CTNND2: variants seen among roughly 807,000 people sequenced by gnomAD.
The protein encoded by CTNND2 is catenin delta 2.
CTNND2 carries 22 observed loss-of-function variants against 144.4 expected under a neutral mutation model. The ratio of observed to expected loss-of-function variants is 0.15; its 90% CI spans 0.11 to 0.22. The LOEUF (loss-of-function observed/expected upper bound fraction) is 0.22. Among genes scored for constraint, CTNND2 ranks in the 10% least tolerant of loss-of-function variants. CTNND2 has a pLI of 1.00. For synonymous variants in CTNND2, 751 were observed against 695.6 expected (o/e 1.08, Z -1.25); for missense variants, 1,353 against 1,618.8 (o/e 0.84, Z 2.82).
chr5:11,785,712 T>C (rs984721406), intron 1 of CTNND2, among the ~76,000 whole-genome samples: 1 of 152,248 alleles, frequency 6.6e-6, no homozygotes, highest in Non-Finnish European at 1.5e-5. Context: ...AAGAAGTATG[T>C]TGGTAGAATT....
intron 10 of CTNND2, among the ~76,000 whole-genome samples, chr5:11,204,444 T>C (rs963267829): frequency 1.3e-5 from 2 of 152,244 alleles, no homozygotes; most frequent in African/African-American, 2.4e-5. Flanking sequence ...GGTATCTTCC[T>C]TGTTTTTTCC....
At chr5:11,766,397 G>A (rs2126815031) in intron 1 of CTNND2, among the ~76,000 whole-genome samples, 1 of 152,240 alleles carries the variant, frequency 6.6e-6, no homozygotes, top group East Asian at 1.9e-4. Flanking sequence ...TGAATCATGA[G>A]GGCAGGTCTT....
intron 2 of CTNND2, among the ~76,000 whole-genome samples, chr5:11,662,616 G>A (rs904074520): frequency 6.6e-6 from 1 of 151,900 alleles, no homozygotes; most frequent in African/African-American, 2.4e-5. Context: ...AATCTCCTTC[G>A]GCAACACCCT....
intron 11 of CTNND2, among the ~76,000 whole-genome samples, chr5:11,161,394 C>T (rs949666200): frequency 1.3e-5 from 2 of 152,130 alleles, no homozygotes; most frequent in Non-Finnish European, 2.9e-5. Context: ...CTCAATGGTA[C>T]ACAGAAGGTG....
At chr5:11,887,672 A>T (rs1736657203) in intron 1 of CTNND2, among the ~76,000 whole-genome samples, 1 of 152,222 alleles carries the variant, frequency 6.6e-6, no homozygotes, top group Non-Finnish European at 1.5e-5. Context: ...GTTCATACTT[A>T]ATTCAGATTT....
At chr5:11,479,186 TC>T (rs1239864574) in intron 3 of CTNND2, among the ~76,000 whole-genome samples, 1 of 152,204 alleles carries the variant, frequency 6.6e-6, no homozygotes, top group Non-Finnish European at 1.5e-5. Flanking sequence ...GTCTGTTTTT[TC>T]CCCTCTTCGT....
intron 1 of CTNND2, among the ~76,000 whole-genome samples, chr5:11,757,193 A>G (rs1256967903): frequency 1.3e-5 from 2 of 151,522 alleles, no homozygotes; most frequent in Non-Finnish European, 3.0e-5. Flanking sequence ...ACATATACAC[A>G]CACACACACA....
chr5:11,104,746 G>A (rs1752250116), intron 14 of CTNND2, among the ~76,000 whole-genome samples: 1 of 152,160 alleles, frequency 6.6e-6, no homozygotes, highest in African/African-American at 2.4e-5. Flanking sequence ...TGCAAAGAGG[G>A]GATAGAGTTG....
chr5:11,329,871 G>A (rs146509592), intron 9 of CTNND2, among the ~76,000 whole-genome samples: 124 of 152,276 alleles, frequency 8.1e-4, no homozygotes, highest in African/African-American at 2.7e-3. Flanking sequence ...AATGAGACTC[G>A]TCTGGCTAAG....
chr5:11,732,758 G>T (rs527551751), intron 1 of CTNND2, among the ~76,000 whole-genome samples: 33 of 152,166 alleles, frequency 2.2e-4, no homozygotes, highest in Admixed American at 3.9e-4. Flanking sequence ...GGGTGTGTCA[G>T]GTCTCAGGAG....
At chr5:11,334,802 A>T (rs1753571609) in intron 9 of CTNND2, among the ~76,000 whole-genome samples, 1 of 152,200 alleles carries the variant, frequency 6.6e-6, no homozygotes, top group Non-Finnish European at 1.5e-5. Flanking sequence ...GTGGAGCTTC[A>T]TCTCTAAAGA....
chr5:11,129,145 T>TATAA (rs1755195877), intron 12 of CTNND2, among the ~76,000 whole-genome samples: 1 of 33,724 alleles, frequency 3.0e-5, no homozygotes, highest in African/African-American at 1.0e-4. Flanking sequence ...ATATATTATA[T>TATAA]ATAAAATATA....
chr5:11,571,442 G>A (rs572635721), intron 2 of CTNND2, among the ~76,000 whole-genome samples: 172 of 152,258 alleles, frequency 1.1e-3, no homozygotes, highest in African/African-American at 4.0e-3. Flanking sequence ...GCAAGATTGA[G>A]GAGGGGTGGG....
Position 11,891,650 on chromosome 5 carries a change from A to T in CTNND2, c.37+12167T>A, listed in dbSNP as rs191832219. On this transcript the variant is annotated intron_variant, in intron 1 of 21. Transcript: ENST00000304623. The stretch of plus-strand genomic sequence containing the variant: ...AAGGCCATGTGAGGAAAGAGCAGGA[A>T]GGCGGCCATCTGCAAGTCAGGAGGA... Among the ~76,000 whole-genome samples the T allele has an allele frequency of 2.0e-4, 30 of 152,346 alleles. No homozygotes were observed. In the East Asian group the frequency reaches 4.3e-3, roughly 22 times the overall value.
At chr5:11,073,474 A>T (rs1468247552) in intron 16 of CTNND2, among the ~76,000 whole-genome samples, 1 of 152,210 alleles carries the variant, frequency 6.6e-6, no homozygotes, top group Non-Finnish European at 1.5e-5. Flanking sequence ...CCTGAATTTG[A>T]ATCAACTGGA....
At chr5:11,127,171 T>C (rs1325078754) in intron 12 of CTNND2, among the ~76,000 whole-genome samples, 1 of 152,244 alleles carries the variant, frequency 6.6e-6, no homozygotes, top group East Asian at 1.9e-4. Context: ...CAGTGCAATA[T>C]GTCTACTAAA....
chr5:11,418,023 G>T (rs190627720), intron 3 of CTNND2, among the ~76,000 whole-genome samples: 1 of 152,038 alleles, frequency 6.6e-6, no homozygotes, highest in East Asian at 1.9e-4. Context: ...AATATTTGTT[G>T]CACCCAAATA....
intron 8 of CTNND2, among the ~76,000 whole-genome samples, chr5:11,352,267 A>C (rs573368773): frequency 5.3e-4 from 80 of 152,368 alleles, no homozygotes; most frequent in Admixed American, 5.2e-3. Context: ...AAACATGCCT[A>C]TCACATTGGT....
rs1460710988 is a variant in CTNND2, at chr5:11,807,088, T to G, written c.38-74816A>C. On this transcript the variant is annotated intron_variant, in intron 1 of 21. Coordinates refer to ENST00000304623, the MANE Select transcript of CTNND2 (RefSeq NM_001332.4). ...ATGCTTATATCACCCCTGCTTAAACTCTGTATTATTAAAATAATACATGCA... is the reference window on the plus strand; with the variant it reads ...ATGCTTATATCACCCCTGCTTAAACGCTGTATTATTAAAATAATACATGCA... Among the ~76,000 whole-genome samples the G allele has an allele frequency of 1.3e-5, 2 of 152,172 alleles. 1 individual carries two copies. Among genetic ancestry groups the G allele is most frequent in the South Asian group, 4.1e-4 (2 of 4,830 alleles).
Sources: gnomAD v4.1 joint callset for allele counts (sites outside exome capture counted in the v4.1 genomes callset) on GRCh38, gnomAD v4.1.1 for gene constraint, MANE v1.5 for transcripts, NCBI Gene and HGNC (gene_info 2026-07-23, HGNC 2026-07-21) for gene names.